The following TAFA2 variants were observed in gnomAD, a reference collection of about 807,000 sequenced individuals.
The protein encoded by TAFA2 is TAFA chemokine like family member 2, also known as chemokine-like protein TAFA-2.
A neutral mutation model predicts 18.8 loss-of-function variants in TAFA2; 7 were observed. That is an observed-to-expected ratio of 0.37 (90% CI 0.21 to 0.70). The LOEUF (loss-of-function observed/expected upper bound fraction) is 0.70. TAFA2 is among the 30% of genes least tolerant of loss of function. The pLI is 0.53. For missense variants in TAFA2, 122 were observed against 158.1 expected (o/e 0.77, Z 1.23); for synonymous variants, 60 against 54.2 (o/e 1.11, Z -0.47).
At chr12:61,961,473 A>G (rs1878883343) in intron 1 of TAFA2, among the ~76,000 whole-genome samples, 1 of 151,964 alleles carries the variant, frequency 6.6e-6, no homozygotes, top group Non-Finnish European at 1.5e-5. Context: ...TTAAACCTTC[A>G]TTTTTGTTAA....
intron 1 of TAFA2, among the ~76,000 whole-genome samples, chr12:62,199,503 T>G (rs1453594700): frequency 6.6e-6 from 1 of 152,104 alleles, no homozygotes; most frequent in Non-Finnish European, 1.5e-5. Flanking sequence ...GATAATGGCT[T>G]TGGGCTCCAT....
chr12:61,933,530 T>G (rs1012707005), intron 1 of TAFA2, among the ~76,000 whole-genome samples: 1 of 152,048 alleles, frequency 6.6e-6, no homozygotes, highest in African/African-American at 2.4e-5. Flanking sequence ...TGGGCAATTA[T>G]AGCAAGACCC....
At chr12:62,141,915 T>G (rs1308859521) in intron 1 of TAFA2, among the ~76,000 whole-genome samples, 1 of 152,178 alleles carries the variant, frequency 6.6e-6, no homozygotes, top group South Asian at 2.1e-4. Context: ...AAACAAAATC[T>G]TCCTATGGAA....
intron 2 of TAFA2, among the ~76,000 whole-genome samples, chr12:61,805,198 A>C (rs544394985): frequency 6.6e-6 from 1 of 152,010 alleles, no homozygotes; most frequent in South Asian, 2.1e-4. Context: ...TGTTTAAAAT[A>C]AATGACATCT....
chr12:61,909,085 A>C (rs1876490277), intron 1 of TAFA2, among the ~76,000 whole-genome samples: 1 of 152,198 alleles, frequency 6.6e-6, no homozygotes, highest in Admixed American at 6.5e-5. Context: ...AAGGATGTTC[A>C]CATATCAGAA....
chr12:61,856,283 T>C (rs947335185), intron 2 of TAFA2, among the ~76,000 whole-genome samples: 3 of 152,000 alleles, frequency 2.0e-5, no homozygotes, highest in African/African-American at 7.2e-5. Context: ...CTACTGACTG[T>C]TAATTATTTA....
chr12:61,995,185 T>G (rs986917735), intron 1 of TAFA2, among the ~76,000 whole-genome samples: 4 of 152,192 alleles, frequency 2.6e-5, no homozygotes, highest in African/African-American at 9.6e-5. Flanking sequence ...ACTTCAGTCA[T>G]CTTATGCCAC....
At chr12:61,804,694 T>C (rs7304109) in intron 2 of TAFA2, among the ~76,000 whole-genome samples, 51,559 of 151,808 alleles carry the variant, frequency 0.34, 9,057 homozygotes, top group Non-Finnish European at 0.39. Context: ...TCTAACACCT[T>C]TGAAGCACTT....
intron 1 of TAFA2, chr12:62,253,053 C>T (rs1156752593): frequency 6.6e-6 from 1 of 152,190 alleles, no homozygotes; most frequent in Non-Finnish European, 1.5e-5. Context: ...ATATTGGTCT[C>T]TGTTCCTGAC....
intron 2 of TAFA2, among the ~76,000 whole-genome samples, chr12:61,836,479 G>T (rs1442669766): frequency 6.6e-6 from 1 of 151,628 alleles, no homozygotes; most frequent in African/African-American, 2.4e-5. Context: ...TTCCATAACA[G>T]TTGGGTGAAT....
At chr12:61,836,732 G>GATATATATGTATATATAT (rs58543429) in intron 2 of TAFA2, among the ~76,000 whole-genome samples, 4 of 112,786 alleles carry the variant, frequency 3.5e-5, no homozygotes, top group Admixed American at 9.8e-5. Flanking sequence ...TTGCCAATTT[G>GATATATATGTATATATAT]ATATATATAT....
At chr12:62,107,118 T>C (rs1408831338) in intron 1 of TAFA2, among the ~76,000 whole-genome samples, 1 of 152,190 alleles carries the variant, frequency 6.6e-6, no homozygotes, top group Non-Finnish European at 1.5e-5. Context: ...TAATAGAAGT[T>C]AAACGTACAA....
intron 1 of TAFA2, among the ~76,000 whole-genome samples, chr12:61,954,888 G>T (rs1878597304): frequency 6.6e-6 from 1 of 151,836 alleles, no homozygotes; most frequent in South Asian, 2.1e-4. Context: ...CCTATTTCAG[G>T]GTTCATTGAC....
At chr12:61,960,775 C>A (rs201071723) in intron 1 of TAFA2, among the ~76,000 whole-genome samples, 72 of 145,686 alleles carry the variant, frequency 4.9e-4, no homozygotes, top group South Asian at 4.3e-4. Flanking sequence ...CCTATTTCAC[C>A]AAAAAAAAAA....
chr12:62,244,457 C>T (rs958262501), intron 1 of TAFA2, among the ~76,000 whole-genome samples: 2 of 152,080 alleles, frequency 1.3e-5, no homozygotes, highest in African/African-American at 4.8e-5. Flanking sequence ...AAATATGCAA[C>T]AGTTTATTAA....
intron 1 of TAFA2, among the ~76,000 whole-genome samples, chr12:62,147,204 A>G (rs1245324713): frequency 1.3e-5 from 2 of 150,410 alleles, no homozygotes; most frequent in African/African-American, 2.5e-5. Context: ...TCCTCAAACT[A>G]TAAAAGTTCC....
chr12:62,132,504 C>T (rs1870731087), intron 1 of TAFA2, among the ~76,000 whole-genome samples: 1 of 151,728 alleles, frequency 6.6e-6, no homozygotes. Flanking sequence ...TTATAATGGC[C>T]TCTCTCTATA....
intron 1 of TAFA2, among the ~76,000 whole-genome samples, chr12:61,990,622 A>AGCCACT (rs113439655): frequency 5.9e-5 from 9 of 151,294 alleles, no homozygotes; most frequent in South Asian, 2.1e-4. Flanking sequence ...TACAGGCATG[A>AGCCACT]GCGCCCGGCC....
At chr12:61,960,598 C>G (rs1186693749) in intron 1 of TAFA2, among the ~76,000 whole-genome samples, 9 of 151,876 alleles carry the variant, frequency 5.9e-5, no homozygotes, top group Non-Finnish European at 7.4e-5. Flanking sequence ...CAATTTAGTC[C>G]TTCGGTTTCC....
Sources: gnomAD v4.1 joint callset for allele counts (sites outside exome capture counted in the v4.1 genomes callset) on GRCh38, gnomAD v4.1.1 for gene constraint, MANE v1.5 for transcripts, NCBI Gene and HGNC (gene_info 2026-07-23, HGNC 2026-07-21) for gene names.